TRERF1: variants seen among roughly 807,000 people sequenced by gnomAD.
TRERF1 encodes transcriptional-regulating factor 1.
A neutral mutation model predicts 122.9 loss-of-function variants in TRERF1; 27 were observed. The observed-to-expected ratio is 0.22, with a 90% CI of 0.16 to 0.30. TRERF1 has a LOEUF of 0.30. TRERF1 is among the 10% of genes least tolerant of loss of function. TRERF1 has a pLI of 1.00. For synonymous variants in TRERF1, 636 were observed against 641.7 expected (o/e 0.99, Z 0.13); for missense variants, 1,248 against 1,560.3 (o/e 0.80, Z 3.37).
chr6:42,353,041 C>T (rs1020471377), intron 3 of TRERF1, among the ~76,000 whole-genome samples: 4 of 152,078 alleles, frequency 2.6e-5, no homozygotes, highest in African/African-American at 9.7e-5. Context: ...GTGACTCAAA[C>T]CTGTAAACTC....
At chr6:42,340,939 A>T (rs1353602531) in intron 3 of TRERF1, among the ~76,000 whole-genome samples, 2 of 152,098 alleles carry the variant, frequency 1.3e-5, no homozygotes, top group Non-Finnish European at 2.9e-5. Context: ...GGGTGCTGGG[A>T]AATTGTTTAG....
intron 2 of TRERF1, among the ~76,000 whole-genome samples, chr6:42,447,737 CT>C (rs1562230265): frequency 1.3e-5 from 2 of 152,148 alleles, no homozygotes. Context: ...CAGAGTCTCG[CT>C]CTGTCACCCA....
chr6:42,371,412 A>G (rs1773735159), intron 2 of TRERF1, among the ~76,000 whole-genome samples: 1 of 152,116 alleles, frequency 6.6e-6, no homozygotes, highest in Non-Finnish European at 1.5e-5. Flanking sequence ...GGCCAACAGG[A>G]GTGGGTGGCA....
chr6:42,401,966 C>T (rs900836612), intron 2 of TRERF1, among the ~76,000 whole-genome samples: 2 of 152,120 alleles, frequency 1.3e-5, no homozygotes, highest in South Asian at 2.1e-4. Context: ...CAGCCGATAA[C>T]GAAGAAATAA....
At chr6:42,439,775 T>C (rs1786150012) in intron 2 of TRERF1, among the ~76,000 whole-genome samples, 1 of 152,228 alleles carries the variant, frequency 6.6e-6, no homozygotes, top group Admixed American at 6.5e-5. Context: ...GTTTGTTATT[T>C]GAGCCACTCA....
intron 3 of TRERF1, among the ~76,000 whole-genome samples, chr6:42,337,589 TGAGA>T (rs1766442979): frequency 6.6e-6 from 1 of 152,072 alleles, no homozygotes; most frequent in Non-Finnish European, 1.5e-5. Flanking sequence ...ACGCGTAATG[TGAGA>T]GCTCAGTGGA....
chr6:42,311,534 G>A (rs894281577), intron 3 of TRERF1, among the ~76,000 whole-genome samples: 4 of 152,008 alleles, frequency 2.6e-5, no homozygotes, highest in Non-Finnish European at 4.4e-5. Context: ...GGAGGCCGAG[G>A]TGGGTGGATC....
At chr6:42,272,676 G>A (rs1227546132) in intron 4 of TRERF1, among the ~76,000 whole-genome samples, 1 of 152,214 alleles carries the variant, frequency 6.6e-6, no homozygotes, top group Admixed American at 6.5e-5. Flanking sequence ...TGAGCAGGGA[G>A]AGAGGGAGAA....
Position 42,281,889 on chromosome 6 carries a change from T to C in TRERF1, c.-258-12041A>G, listed in dbSNP as rs151281487. Among the ~76,000 whole-genome samples, 16 of 152,310 alleles carry C rather than the reference T, an allele frequency of 1.1e-4. No individual in the cohort carries two copies. The East Asian group carries it at 2.9e-3, about 27-fold the overall frequency. On this transcript the variant is annotated intron_variant, in intron 4 of 17. Coordinates refer to ENST00000372922, the Ensembl canonical transcript of TRERF1. ...CCCTCCCAATAACCCCACATGGTGG[T>C]AAGTGCATCCATCACCTTTAACTAC... is the stretch of plus-strand genomic sequence containing the variant.
intron 13 of TRERF1, among the ~76,000 whole-genome samples, chr6:42,250,241 A>G (rs950006771): frequency 1.3e-5 from 2 of 152,202 alleles, no homozygotes; most frequent in Non-Finnish European, 2.9e-5. Context: ...ATTCCAAATC[A>G]GCCCAGGGCT....
chr6:42,313,574 C>T (rs1292985544), intron 3 of TRERF1, among the ~76,000 whole-genome samples: 6 of 152,116 alleles, frequency 3.9e-5, no homozygotes, highest in African/African-American at 4.8e-5. Context: ...GGGATGCAAA[C>T]GTGCTCAAGT....
At chr6:42,333,512 C>T (rs1461225127) in intron 3 of TRERF1, among the ~76,000 whole-genome samples, 6 of 152,222 alleles carry the variant, frequency 3.9e-5, no homozygotes, top group African/African-American at 7.2e-5. Context: ...CACAAATCTG[C>T]GGTGGCCGCA....
chr6:42,408,188 C>A, intron 2 of TRERF1, among the ~76,000 whole-genome samples: 2 of 141,054 alleles, frequency 1.4e-5, no homozygotes, highest in South Asian at 2.2e-4. Context: ...TTCCCTCTTC[C>A]ATTAACTTCG....
intron 10 of TRERF1, 100 bp from the exon 11 acceptor site, chr6:42,257,202 T>G: frequency 2.1e-6 from 3 of 1,436,238 alleles, no homozygotes; most frequent in Non-Finnish European, 2.8e-6. Context: ...AACTAGTTCT[T>G]TCTGCAAGAA....
intron 2 of TRERF1, among the ~76,000 whole-genome samples, chr6:42,390,845 A>G (rs554650858): frequency 6.6e-6 from 1 of 152,302 alleles, no homozygotes; most frequent in African/African-American, 2.4e-5. Flanking sequence ...GCAAGGGGAA[A>G]AAACACTTGA....
chr6:42,286,346 G>T (rs891063602), intron 4 of TRERF1, among the ~76,000 whole-genome samples: 4 of 141,694 alleles, frequency 2.8e-5, no homozygotes, highest in African/African-American at 8.0e-5. Flanking sequence ...CCATCAGAGT[G>T]AACAGGCAAC....
At chr6:42,319,122 G>A (rs924750002) in intron 3 of TRERF1, among the ~76,000 whole-genome samples, 1 of 150,400 alleles carries the variant, frequency 6.6e-6, no homozygotes, top group African/African-American at 2.5e-5. Flanking sequence ...TTTCTTCATT[G>A]TTGCCCTCCT....
At chr6:42,306,392 C>T (rs902203955) in intron 3 of TRERF1, among the ~76,000 whole-genome samples, 20 of 152,188 alleles carry the variant, frequency 1.3e-4, no homozygotes, top group African/African-American at 4.8e-4. Flanking sequence ...GGATCCTGCC[C>T]AGACCATGAT....
At chr6:42,227,129 A>G (rs1182387656) in exon 18 of TRERF1, 5 of 152,254 alleles carry the variant, frequency 3.3e-5, no homozygotes, top group Non-Finnish European at 5.9e-5. Context: ...GAGGTTGGAG[A>G]AGTCTAGAAG....
Sources: allele counts gnomAD v4.1 joint callset (sites outside exome capture counted in the v4.1 genomes callset), GRCh38; gene constraint gnomAD v4.1.1; transcripts MANE v1.5; gene names NCBI Gene and HGNC (gene_info 2026-07-23, HGNC 2026-07-21).